CDH13: variants seen among roughly 807,000 people sequenced by gnomAD.
The protein encoded by CDH13 is cadherin-13.
In CDH13, 24 loss-of-function variants were observed where a neutral mutation model predicts 63.8. The observed-to-expected ratio is 0.38, with a 90% confidence interval of 0.27 to 0.53. The LOEUF (loss-of-function observed/expected upper bound fraction) is 0.53, where lower values mean the gene tolerates loss of function less well. CDH13 is among the 20% of genes least tolerant of loss of function. The pLI is 0.85. For missense variants in CDH13, 1,049 were observed against 903.1 expected, an observed-to-expected ratio of 1.16 and a Z score of -2.07; for synonymous variants, 503 against 355.3, an observed-to-expected ratio of 1.42 and a Z score of -4.67.
At chr16:83,349,736 G>A (rs1417008955) in intron 6 of CDH13, among the ~76,000 whole-genome samples, 1 of 152,088 alleles carries the variant, frequency 6.6e-6, no homozygotes, top group African/African-American at 2.4e-5. Flanking sequence ...GAGTAGCTGG[G>A]ATTACAGACA....
intron 7 of CDH13, among the ~76,000 whole-genome samples, chr16:83,500,192 A>C: frequency 6.6e-6 from 1 of 151,318 alleles, no homozygotes; most frequent in Non-Finnish European, 1.5e-5. Flanking sequence ...GGGTCAAGCA[A>C]CACTATCACA....
chr16:82,961,825 C>T lies in CDH13; in HGVS notation c.158-70185C>T, dbSNP rs543459640. Among the ~76,000 whole-genome samples, 5 of 152,210 alleles carry T rather than the reference C, an allele frequency of 3.3e-5. No homozygotes were observed. The East Asian group carries it at 7.7e-4, about 24-fold the overall frequency. On this transcript the variant is annotated intron_variant, in intron 2 of 13. Transcript: ENST00000567109. ...ATGTCTGGAGACTTTTGGTTGTCAC[C>T]GTTGGGATGGGGGCTGCCGTTGGCT...
At chr16:83,043,675 A>G (rs773486049) in intron 3 of CDH13, among the ~76,000 whole-genome samples, 21 of 152,058 alleles carry the variant, frequency 1.4e-4, no homozygotes, top group Non-Finnish European at 2.1e-4. Flanking sequence ...CCTGGCCAGG[A>G]TGGTGAAACC....
intron 6 of CDH13, among the ~76,000 whole-genome samples, chr16:83,349,344 G>T (rs554227044): frequency 6.6e-6 from 1 of 152,074 alleles, no homozygotes; most frequent in African/African-American, 2.4e-5. Flanking sequence ...ATTCCTGGAG[G>T]GCACTAATTC....
rs1260362427 is a variant in CDH13, at chr16:82,771,272, T to A, written c.46-87090T>A. 2.0e-5 allele frequency among the ~76,000 whole-genome samples: 3 copies of A among 152,332 alleles called. No homozygotes were observed. In the East Asian group the frequency reaches 5.8e-4, roughly 29 times the overall value. On this transcript the variant is annotated intron_variant, in intron 1 of 13. Transcript: ENST00000567109. ...GATAAATAATACTTTGACTTATCAATTAATTAAAATGTGTTATATGTCAAT... is the reference window on the plus strand; with the variant it reads ...GATAAATAATACTTTGACTTATCAAATAATTAAAATGTGTTATATGTCAAT...
At chr16:83,727,099 G>C (rs573899836) in intron 10 of CDH13, among the ~76,000 whole-genome samples, 5 of 152,218 alleles carry the variant, frequency 3.3e-5, no homozygotes, top group African/African-American at 1.2e-4. Context: ...TCACAGAGTT[G>C]TGCAACCATC....
chr16:83,731,056 T>G (rs562598486), intron 10 of CDH13, among the ~76,000 whole-genome samples: 62 of 152,364 alleles, frequency 4.1e-4, no homozygotes, highest in Non-Finnish European at 6.8e-4. Flanking sequence ...TCTTTATCCA[T>G]TCCACCATTG....
chr16:83,278,756 C>G (rs1216701284), intron 5 of CDH13, among the ~76,000 whole-genome samples: 1 of 152,178 alleles, frequency 6.6e-6, no homozygotes, highest in Non-Finnish European at 1.5e-5. Context: ...CTGGAGCAAA[C>G]TCCTTGAGAG....
At chr16:83,654,168 C>G (rs970798989) in intron 8 of CDH13, among the ~76,000 whole-genome samples, 1 of 151,984 alleles carries the variant, frequency 6.6e-6, no homozygotes, top group Non-Finnish European at 1.5e-5. Context: ...TTGTAGGCAG[C>G]CAGCATGACT....
intron 4 of CDH13, among the ~76,000 whole-genome samples, chr16:83,179,587 G>T (rs531120855): frequency 5.3e-4 from 80 of 151,830 alleles, no homozygotes; most frequent in African/African-American, 1.9e-3. Context: ...GGGAGGTGGA[G>T]CTTGCAGTGA....
intron 7 of CDH13, among the ~76,000 whole-genome samples, chr16:83,494,083 C>G (rs906481328): frequency 6.6e-6 from 1 of 152,170 alleles, no homozygotes; most frequent in Non-Finnish European, 1.5e-5. Context: ...TTAACTTTAT[C>G]ATGAAGAAAG....
intron 1 of CDH13, among the ~76,000 whole-genome samples, chr16:82,667,945 A>T (rs4783255): frequency 1.3e-5 from 2 of 152,260 alleles, no homozygotes; most frequent in East Asian, 3.9e-4. Context: ...TGTATTTGTC[A>T]CGCTGACCTA....
At chr16:82,836,869 A>G (rs2038790597) in intron 1 of CDH13, among the ~76,000 whole-genome samples, 1 of 152,188 alleles carries the variant, frequency 6.6e-6, no homozygotes. Flanking sequence ...CATTTTTAGG[A>G]CAGAGTTATT....
intron 1 of CDH13, among the ~76,000 whole-genome samples, chr16:82,811,763 T>C (rs1265392150): frequency 2.0e-5 from 3 of 152,112 alleles, no homozygotes; most frequent in African/African-American, 7.2e-5. Context: ...AGATAAACTC[T>C]ATGACAATTG....
intron 5 of CDH13, among the ~76,000 whole-genome samples, chr16:83,264,030 C>A (rs1438805435): frequency 6.6e-6 from 1 of 152,218 alleles, no homozygotes; most frequent in Non-Finnish European, 1.5e-5. Flanking sequence ...CCTATTGTGG[C>A]TCTACATCCA....
At chr16:83,413,729 TG>T (rs1446056777) in intron 6 of CDH13, among the ~76,000 whole-genome samples, 8 of 152,192 alleles carry the variant, frequency 5.3e-5, no homozygotes, top group Admixed American at 5.2e-4. Context: ...GGCTCATGCC[TG>T]TAATCTCAGC....
At chr16:83,090,983 A>T (rs190713055) in intron 3 of CDH13, among the ~76,000 whole-genome samples, 4 of 152,076 alleles carry the variant, frequency 2.6e-5, no homozygotes, top group African/African-American at 9.7e-5. Flanking sequence ...ATATATAAAC[A>T]TAATATATAT....
intron 3 of CDH13, among the ~76,000 whole-genome samples, chr16:83,081,869 C>T (rs981519502): frequency 6.7e-6 from 1 of 150,356 alleles, no homozygotes. Context: ...GGTGTGATCT[C>T]GGCTCACCAT....
At chr16:83,618,504 G>A (rs1190765784) in intron 8 of CDH13, among the ~76,000 whole-genome samples, 1 of 152,026 alleles carries the variant, frequency 6.6e-6, no homozygotes, top group Non-Finnish European at 1.5e-5. Flanking sequence ...CCTGCTCAAG[G>A]TAGAAAACAG....
Sources: allele counts gnomAD v4.1 joint callset (sites outside exome capture counted in the v4.1 genomes callset), GRCh38; gene constraint gnomAD v4.1.1; transcripts MANE v1.5; gene names NCBI Gene and HGNC (gene_info 2026-07-23, HGNC 2026-07-21).